Variants in MROH7 observed in about 807,000 individuals in gnomAD.
MROH7 encodes maestro heat like repeat family member 7, also known as maestro heat-like repeat-containing protein family member 7.
In MROH7, 113 loss-of-function variants were observed where a neutral mutation model predicts 129.2. That is an observed-to-expected ratio of 0.87 (90% CI 0.75 to 1.02). The LOEUF is 1.02. MROH7 is among the 50% of genes least tolerant of loss of function. MROH7 has a pLI of 0.00. For synonymous variants in MROH7, 655 were observed against 667.9 expected (o/e 0.98, Z 0.30); for missense variants, 1,601 against 1,671.3 (o/e 0.96, Z 0.73).
At chr1:54,676,083 T>C (rs902155221) in intron 10 of MROH7, among the ~76,000 whole-genome samples, 4 of 152,224 alleles carry the variant, frequency 2.6e-5, no homozygotes, top group African/African-American at 9.6e-5. Flanking sequence ...TAATTTTTAG[T>C]ATATTTGAGA....
At chr1:54,689,042 G>A (rs564253564) in intron 15 of MROH7, among the ~76,000 whole-genome samples, 2 of 152,332 alleles carry the variant, frequency 1.3e-5, no homozygotes, top group South Asian at 2.1e-4. Flanking sequence ...GTCATGAGAT[G>A]TAGTGGTCTA....
intron 4 of MROH7, 87 bp from the exon 5 acceptor site, chr1:54,668,767 G>A: frequency 1.1e-6 from 1 of 900,486 alleles, no homozygotes; most frequent in Middle Eastern, 2.2e-4. Context: ...TAGGTGTCGG[G>A]TGGTTAACAG....
intron 1 of MROH7, chr1:54,651,621 G>C (rs1388082672): frequency 1.3e-5 from 2 of 152,310 alleles, no homozygotes; most frequent in African/African-American, 4.8e-5. Flanking sequence ...AGGGCCTTTT[G>C]GGTCTGCTAA....
chr1:54,673,318 C>A, intron 8 of MROH7, 132 bp downstream of exon 8: 1 of 679,664 alleles, frequency 1.5e-6, no homozygotes, highest in South Asian at 1.8e-5. Flanking sequence ...GAGTGTTCTG[C>A]CTCCCTGTCT....
intron 2 of MROH7, 39 bp from the exon 3 acceptor site, chr1:54,652,814 G>A: frequency 2.1e-6 from 3 of 1,399,306 alleles, no homozygotes; most frequent in Non-Finnish European, 2.9e-6. Flanking sequence ...AGCCTTAACA[G>A]GTGTGGCATG....
At chr1:54,681,194 C>A (rs1645064602) in intron 13 of MROH7, among the ~76,000 whole-genome samples, 1 of 152,138 alleles carries the variant, frequency 6.6e-6, no homozygotes, top group Non-Finnish European at 1.5e-5. Context: ...AAGTTGGCAC[C>A]CTGGATGCCT....
intron 21 of MROH7, 33 bp from the exon 22 acceptor site, chr1:54,706,402 G>A (rs777588477): frequency 5.8e-6 from 9 of 1,541,414 alleles, no homozygotes; most frequent in Non-Finnish European, 7.2e-6. Context: ...TCCTCTGAGA[G>A]GCCAGCACTT....
In MROH7 at chr1:54,652,957, T is replaced by C. The variant is rs1644579722; in HGVS notation, c.31T>C (p.Phe11Leu). 1 of 1,608,312 alleles carries C rather than the reference T, an allele frequency of 6.2e-7. No homozygotes were observed. The highest frequency in any genetic ancestry group is 8.5e-7 in the Non-Finnish European group (1 of 1,177,470). The part of the protein sequence containing the change: MALSPGANLV[F>L]HEDPKMTPSP... ...CCTGAGTCCAGGGGCTAACCTGGTC[T>C]TCCATGAAGACCCAAAGATGACACC... The change falls in exon 3 of 24, where the codon TTC becomes CTC. Residue 11 changes from phenylalanine (F) to leucine (L), a missense_variant. Coordinates refer to ENST00000421030, the MANE Select transcript of MROH7 (RefSeq NM_001039464.4).
intron 17 of MROH7, among the ~76,000 whole-genome samples, chr1:54,696,372 T>C (rs994814381): frequency 2.0e-5 from 3 of 152,266 alleles, no homozygotes; most frequent in Non-Finnish European, 4.4e-5. Context: ...TACAGTCCAA[T>C]GACATTAATA....
At chr1:54,694,898 C>T (rs78454652) in intron 16 of MROH7, among the ~76,000 whole-genome samples, 2,097 of 152,304 alleles carry the variant, frequency 0.014, 49 homozygotes, top group African/African-American at 0.048. Flanking sequence ...GGCTCCAGCT[C>T]GGCCATTTTC....
At chr1:54,654,195 C>G in intron 3 of MROH7, 38 bp downstream of exon 3, 1 of 1,521,490 alleles carries the variant, frequency 6.6e-7, no homozygotes, top group Non-Finnish European at 8.8e-7. Flanking sequence ...GAGCACTGTC[C>G]TGGAGGAATT....
chr1:54,702,495 TA>T (rs1008669338), intron 20 of MROH7, 127 bp from the exon 21 acceptor site: 126 of 956,874 alleles, frequency 1.3e-4, no homozygotes, highest in Admixed American at 1.3e-3. Context: ...TAATAGTAAT[TA>T]AAAAAATTAA....
chr1:54,670,151 T>C (rs1644874403), intron 5 of MROH7, among the ~76,000 whole-genome samples: 2 of 152,120 alleles, frequency 1.3e-5, no homozygotes, highest in South Asian at 2.1e-4. Context: ...GGTTTTTGCT[T>C]TGGACCAGTT....
intron 21 of MROH7, among the ~76,000 whole-genome samples, chr1:54,702,989 T>C: frequency 6.6e-6 from 1 of 152,302 alleles, no homozygotes; most frequent in East Asian, 1.9e-4. Context: ...CTTGTCTCTT[T>C]TGAGCCTGTG....
Position 54,679,501 on chromosome 1 carries a change from C to CT in MROH7, c.2226+63dup, listed in dbSNP as rs1645035249. On this transcript the variant is annotated intron_variant, in intron 12 of 23. Transcript: ENST00000421030. The stretch of plus-strand genomic sequence containing the variant: ...GGGGCTCGGGAGCTCCCCCCATGGC[C>CT]TGCTCATCACTGGCCGGCCAGACAG... 3 of 1,537,748 alleles carry CT rather than the reference C, an allele frequency of 2.0e-6. No homozygotes were observed. In the Admixed American group the frequency reaches 5.6e-5, roughly 29 times the overall value.
At chr1:54,690,770 A>G (rs1045397722) in intron 15 of MROH7, among the ~76,000 whole-genome samples, 1 of 152,138 alleles carries the variant, frequency 6.6e-6, no homozygotes, top group Non-Finnish European at 1.5e-5. Flanking sequence ...CTAAATACAT[A>G]TTCATCAGGC....
At chr1:54,654,500 C>T (rs940737030) in intron 3 of MROH7, among the ~76,000 whole-genome samples, 9 of 151,998 alleles carry the variant, frequency 5.9e-5, no homozygotes, top group South Asian at 2.1e-4. Context: ...GGTGAAACCC[C>T]GTCTCTACTA....
At chr1:54,702,791 AG>A in intron 21 of MROH7, 46 bp downstream of exon 21, 1 of 1,561,434 alleles carries the variant, frequency 6.4e-7, no homozygotes, top group Non-Finnish European at 8.7e-7. Context: ...AGCATGTTGG[AG>A]GTGGCGAATT....
In MROH7 at chr1:54,675,827, T is replaced by A. The variant is rs188127441; in HGVS notation, c.1936+1676T>A. Among the ~76,000 whole-genome samples the A allele has an allele frequency of 1.4e-3, 205 of 151,234 alleles. 1 individual carries two copies. The highest frequency in any genetic ancestry group is 2.6e-3 in the Admixed American group (39 of 15,200). On this transcript the variant is annotated intron_variant, in intron 10 of 23. Transcript: ENST00000421030. ...ATCTCTACCAAAAATACAAAAAAAATACTGGGGTTTCAAGACCAGGCTGGT... is the reference window on the plus strand; with the variant it reads ...ATCTCTACCAAAAATACAAAAAAAAAACTGGGGTTTCAAGACCAGGCTGGT...
Sources: allele counts gnomAD v4.1 joint callset (sites outside exome capture counted in the v4.1 genomes callset), GRCh38; gene constraint gnomAD v4.1.1; transcripts MANE v1.5; gene names NCBI Gene and HGNC (gene_info 2026-07-23, HGNC 2026-07-21).